Variants in ZSWIM6 observed in about 807,000 individuals in gnomAD.
ZSWIM6 encodes zinc finger SWIM domain-containing protein 6.
Under a neutral mutation model 113.2 loss-of-function variants are expected in ZSWIM6, and 9 were observed. The ratio of observed to expected loss-of-function variants is 0.08; its 90% CI spans 0.05 to 0.14. The LOEUF (loss-of-function observed/expected upper bound fraction) is 0.14. Ranked by LOEUF, ZSWIM6 falls within the 10% of genes least tolerant of loss-of-function variation. The pLI is 1.00. For missense variants in ZSWIM6, 1,162 were observed against 1,552.2 expected (o/e 0.75, Z 4.22); for synonymous variants, 611 against 606.5 (o/e 1.01, Z -0.11).
At chr5:61,426,107 C>T (rs1340274541) in intron 1 of ZSWIM6, among the ~76,000 whole-genome samples, 8 of 152,130 alleles carry the variant, frequency 5.3e-5, no homozygotes, top group Non-Finnish European at 1.2e-4. Context: ...CAGTTAAATC[C>T]TTCTCTGACA....
chr5:61,431,138 G>A (rs1037771312), intron 1 of ZSWIM6, among the ~76,000 whole-genome samples: 3 of 151,988 alleles, frequency 2.0e-5, no homozygotes, highest in African/African-American at 4.8e-5. Context: ...TTGGGAGGCC[G>A]AGGTGGGTGG....
At chr5:61,434,157 A>T (rs1746648305) in intron 1 of ZSWIM6, among the ~76,000 whole-genome samples, 1 of 147,494 alleles carries the variant, frequency 6.8e-6, no homozygotes, top group Admixed American at 6.8e-5. Context: ...CATATATATA[A>T]ATATATGTAT....
chr5:61,445,177 A>C (rs1746925126), intron 1 of ZSWIM6, among the ~76,000 whole-genome samples: 3 of 152,242 alleles, frequency 2.0e-5, no homozygotes, highest in Admixed American at 2.0e-4. Flanking sequence ...AAAATGTGAT[A>C]GGTCCTGTGC....
At chr5:61,434,102 A>G (rs1746645804) in intron 1 of ZSWIM6, among the ~76,000 whole-genome samples, 2 of 147,402 alleles carry the variant, frequency 1.4e-5, no homozygotes, top group African/African-American at 4.9e-5. Context: ...TATATATACT[A>G]TATATAACAT....
chr5:61,473,428 G>A (rs545323767), intron 2 of ZSWIM6, among the ~76,000 whole-genome samples: 45 of 152,144 alleles, frequency 3.0e-4, no homozygotes, highest in African/African-American at 9.6e-4. Flanking sequence ...GCCTCTGACC[G>A]GTTGCCTCAT....
intron 1 of ZSWIM6, chr5:61,390,621 G>T (rs962827737): frequency 4.1e-5 from 28 of 687,564 alleles, no homozygotes; most frequent in Middle Eastern, 4.2e-4. Flanking sequence ...TTTTCCAGTG[G>T]AAAATAACTT....
At chr5:61,433,193 A>C (rs1390101721) in intron 1 of ZSWIM6, among the ~76,000 whole-genome samples, 1 of 152,218 alleles carries the variant, frequency 6.6e-6, no homozygotes, top group Non-Finnish European at 1.5e-5. Flanking sequence ...TTGGCTTACT[A>C]CCTTTCATTC....
intron 1 of ZSWIM6, among the ~76,000 whole-genome samples, chr5:61,435,944 A>G (rs371753640): frequency 1.5e-4 from 23 of 152,164 alleles, no homozygotes; most frequent in South Asian, 2.1e-4. Context: ...GCTCACGCCT[A>G]TAATCCCAGC....
intron 5 of ZSWIM6, among the ~76,000 whole-genome samples, chr5:61,524,151 A>G (rs1749216069): frequency 2.0e-5 from 3 of 152,250 alleles, no homozygotes; most frequent in Admixed American, 1.3e-4. Context: ...TTGGACTTTG[A>G]AACATTTGAT....
chr5:61,357,758 T>C (rs1421008087), intron 1 of ZSWIM6, among the ~76,000 whole-genome samples: 5 of 151,666 alleles, frequency 3.3e-5, no homozygotes, highest in Admixed American at 6.6e-5. Flanking sequence ...AATGGAATAA[T>C]CATAGCTTTA....
intron 4 of ZSWIM6, among the ~76,000 whole-genome samples, chr5:61,505,018 ATG>A (rs1343408140): frequency 6.6e-6 from 1 of 152,208 alleles, no homozygotes; most frequent in African/African-American, 2.4e-5. Flanking sequence ...TAGATGTAAT[ATG>A]TTTTATGTAT....
rs1313317465 is a variant in ZSWIM6 at position 61,365,759 on chromosome 5, T to TG, written c.676+32812dup. Among the ~76,000 whole-genome samples, 3 of 152,290 alleles carry TG rather than the reference T, an allele frequency of 2.0e-5. No individual in the cohort carries two copies. In the East Asian group the frequency reaches 5.8e-4, roughly 29 times the overall value. ...CCCTTTGCTGACTTACTAGAGAGTG[T>TG]GTGCAAATAGCATTAGGTTGGCATA... On this transcript the variant is annotated intron_variant, in intron 1 of 13. Transcript: ENST00000252744.
At chr5:61,528,158 G>A (rs956746329) in intron 7 of ZSWIM6, among the ~76,000 whole-genome samples, 2 of 151,854 alleles carry the variant, frequency 1.3e-5, no homozygotes, top group African/African-American at 2.4e-5. Flanking sequence ...GCTGTTACAA[G>A]TCTAAAGTAC....
chr5:61,473,297 A>C (rs879623055), intron 2 of ZSWIM6, among the ~76,000 whole-genome samples: 5 of 152,208 alleles, frequency 3.3e-5, no homozygotes, highest in Non-Finnish European at 5.9e-5. Context: ...GTCACATTTC[A>C]TCAAGTACTA....
intron 1 of ZSWIM6, among the ~76,000 whole-genome samples, chr5:61,351,447 C>A (rs1344975200): frequency 6.6e-6 from 1 of 152,150 alleles, no homozygotes; most frequent in African/African-American, 2.4e-5. Flanking sequence ...TGTCATATGA[C>A]TGCACTAAGA....
intron 1 of ZSWIM6, chr5:61,375,543 A>C (rs1745356134): frequency 9.0e-6 from 14 of 1,549,606 alleles, no homozygotes; most frequent in Non-Finnish European, 1.0e-5. Context: ...AATCTTCTGA[A>C]AGCTCCATGT....
intron 10 of ZSWIM6, among the ~76,000 whole-genome samples, chr5:61,536,328 T>C (rs1296968144): frequency 6.6e-6 from 1 of 152,282 alleles, no homozygotes; most frequent in African/African-American, 2.4e-5. Context: ...AGGTGAATAT[T>C]TTAATGAGTT....
At chr5:61,462,553 A>ACCATAGT (rs1291693102) in intron 1 of ZSWIM6, among the ~76,000 whole-genome samples, 1 of 152,136 alleles carries the variant, frequency 6.6e-6, no homozygotes, top group Non-Finnish European at 1.5e-5. Flanking sequence ...ACAACAACAA[A>ACCATAGT]CCATAGTCCA....
intron 1 of ZSWIM6, among the ~76,000 whole-genome samples, chr5:61,352,454 G>A (rs1744811162): frequency 6.6e-6 from 1 of 152,220 alleles, no homozygotes; most frequent in African/African-American, 2.4e-5. Context: ...AGGAAGTGGT[G>A]TTTTACTTTG....
Sources: gnomAD v4.1 joint callset for allele counts (sites outside exome capture counted in the v4.1 genomes callset) on GRCh38, gnomAD v4.1.1 for gene constraint, MANE v1.5 for transcripts, NCBI Gene and HGNC (gene_info 2026-07-23, HGNC 2026-07-21) for gene names.